Variants in SEPTIN7 observed in about 807,000 individuals in gnomAD.
SEPTIN7 encodes septin-7.
A neutral mutation model predicts 63.3 loss-of-function variants in SEPTIN7; 10 were observed. That is an observed-to-expected ratio of 0.16 (90% CI 0.10 to 0.27). The LOEUF (loss-of-function observed/expected upper bound fraction) is 0.27, where lower values mean the gene tolerates loss of function less well. SEPTIN7 is among the 10% of genes least tolerant of loss of function. The pLI, the probability that SEPTIN7 is intolerant of heterozygous loss-of-function variation, is 1.00. For synonymous variants in SEPTIN7, 131 were observed against 165.3 expected (o/e 0.79, Z 1.59); for missense variants, 310 against 521.0 (o/e 0.59, Z 3.94).
intron 6 of SEPTIN7, among the ~76,000 whole-genome samples, chr7:35,875,395 A>G (rs1373080507): frequency 2.0e-5 from 3 of 152,222 alleles, no homozygotes; most frequent in Non-Finnish European, 4.4e-5. Context: ...ATAGAGTTCC[A>G]GATATCCTGC....
At position 35,906,582 on chromosome 7, in the gene SEPTIN7, A is replaced by G. The variant is rs1358167834; in HGVS notation, c.*2289A>G. On this transcript the variant is annotated 3_prime_UTR_variant, in exon 14 of 14. Transcript: ENST00000350320. ...AAGTGGGGCTGAACAAGTAAGCACT[A>G]ATAATACCAGTGAACCACTTGGGCA... The G allele has an allele frequency of 1.3e-5, 2 of 152,196 alleles. No individual in the cohort carries two copies. Among genetic ancestry groups the G allele is most frequent in the African/African-American group, 2.4e-5 (1 of 41,422 alleles). 9.4% of individuals were successfully genotyped at this position (152,196 alleles called of 1,614,324 possible). A position where few individuals can be genotyped will look rare whatever the true frequency, so the allele number is the denominator to read the frequency against.
At chr7:35,801,858 C>T (rs1344016226) in intron 1 of SEPTIN7, among the ~76,000 whole-genome samples, 1 of 152,120 alleles carries the variant, frequency 6.6e-6, no homozygotes, top group African/African-American at 2.4e-5. Context: ...GCGGCTGCAG[C>T]CGCAGCTCCA....
intron 4 of SEPTIN7, among the ~76,000 whole-genome samples, chr7:35,871,790 A>G (rs1786166164): frequency 6.6e-6 from 1 of 152,174 alleles, no homozygotes; most frequent in Non-Finnish European, 1.5e-5. Context: ...ATCAGGAGAA[A>G]GCCTGTCTTT....
At chr7:35,856,374 C>T (rs1228560332) in intron 3 of SEPTIN7, among the ~76,000 whole-genome samples, 1 of 152,128 alleles carries the variant, frequency 6.6e-6, no homozygotes, top group African/African-American at 2.4e-5. Flanking sequence ...TTTATCCATT[C>T]AACTACTGAA....
Position 35,829,128 on chromosome 7 carries a change from C to CTTTTTTTTTTTTTTTTTTTTTTTTT in SEPTIN7, c.62-2340_62-2339insTTTTTTTTTTTTTTTTTTTTTTTTT, listed in dbSNP as rs71553032. The stretch of plus-strand genomic sequence containing the variant: ...CACTTCATTATAGTTCATGGACCTT[C>CTTTTTTTTTTTTTTTTTTTTTTTTT]TTTTTTTTTTTTTTTTTTTTTTTTG... On this transcript the variant is annotated intron_variant, in intron 1 of 13. Coordinates refer to ENST00000350320, the MANE Select transcript of SEPTIN7 (RefSeq NM_001788.6). Among the ~76,000 whole-genome samples, 10 of 61,068 alleles carry CTTTTTTTTTTTTTTTTTTTTTTTTT rather than the reference C, an allele frequency of 1.6e-4. 2 individuals carry two copies. Among genetic ancestry groups the CTTTTTTTTTTTTTTTTTTTTTTTTT allele is most frequent in the Non-Finnish European group, 2.6e-4 (9 of 34,546 alleles). The allele number at this position is 61,068 out of a possible 152,430, so 40.1% of individuals were successfully genotyped here. A position where few individuals can be genotyped will look rare whatever the true frequency, so the allele number is the denominator to read the frequency against.
At chr7:35,885,716 C>A in intron 9 of SEPTIN7, 112 bp from the exon 10 acceptor site, 1 of 766,060 alleles carries the variant, frequency 1.3e-6, no homozygotes, top group Non-Finnish European at 2.2e-6. Flanking sequence ...AAAAATTGAT[C>A]TGTTTTGCAT....
intron 11 of SEPTIN7, 94 bp from the exon 12 acceptor site, chr7:35,898,154 T>C (rs773975773): frequency 8.8e-5 from 75 of 848,996 alleles, no homozygotes; most frequent in Non-Finnish European, 1.2e-4. Flanking sequence ...TAGTGACATA[T>C]AGCATCTGAT....
At chr7:35,915,136 C>CATATACACATGTATACATGTGTACATAT in the SEPTIN7 span, among the ~76,000 whole-genome samples, 10,148 of 151,072 alleles carry the variant, frequency 0.067, 394 homozygotes, top group South Asian at 0.17. Context: ...TATATACATG[C>CATATACACATGTATACATGTGTACATAT]ATATACACAT....
At chr7:35,807,787 C>T (rs772665703) in intron 1 of SEPTIN7, among the ~76,000 whole-genome samples, 39 of 152,048 alleles carry the variant, frequency 2.6e-4, no homozygotes, top group Non-Finnish European at 3.5e-4. Context: ...TGTGAGCCAC[C>T]GCACCTGGTT....
intron 12 of SEPTIN7, chr7:35,899,261 A>C (rs1381261033): frequency 1.3e-5 from 2 of 152,222 alleles, no homozygotes; most frequent in African/African-American, 2.4e-5. Context: ...TAGCCTGGGC[A>C]TGGTGGCTCA....
chr7:35,915,656 C>T, the SEPTIN7 span, among the ~76,000 whole-genome samples: 1 of 152,176 alleles, frequency 6.6e-6, no homozygotes, highest in Non-Finnish European at 1.5e-5. Context: ...GTCCTGGCTT[C>T]CTGTCCTGGC....
chr7:35,893,357 A>C (rs551082807), intron 11 of SEPTIN7, among the ~76,000 whole-genome samples: 1 of 152,220 alleles, frequency 6.6e-6, no homozygotes, highest in Non-Finnish European at 1.5e-5. Flanking sequence ...TATGTTTCAC[A>C]AAGTGCTAAT....
intron 4 of SEPTIN7, among the ~76,000 whole-genome samples, chr7:35,864,613 A>G (rs1208168718): frequency 2.6e-5 from 4 of 152,240 alleles, no homozygotes; most frequent in Non-Finnish European, 4.4e-5. Flanking sequence ...TTTTGGATGT[A>G]TCAGGTTAAA....
chr7:35,801,102 T>TA lies in SEPTIN7; in HGVS notation c.-106dup. On this transcript the variant is annotated 5_prime_UTR_variant, in exon 1 of 14. Coordinates refer to ENST00000350320, the MANE Select transcript of SEPTIN7 (RefSeq NM_001788.6). Reference sequence around the variant, plus strand: ...AGGAGTCCGCCTGCTGTAGCGTGCGTAAGCAAGGCAGCTACGCCGGGCGGC... The same window carrying TA: ...AGGAGTCCGCCTGCTGTAGCGTGCGTAAAGCAAGGCAGCTACGCCGGGCGGC... The TA allele has an allele frequency of 1.2e-6, 1 of 865,854 alleles. No individual in the cohort carries two copies. The highest frequency in any genetic ancestry group is 1.8e-5 in the African/African-American group (1 of 55,524). The allele number at this position is 865,854 out of a possible 1,614,324, so 53.6% of individuals were successfully genotyped here. A position where few individuals can be genotyped will look rare whatever the true frequency, so the allele number is the denominator to read the frequency against.
chr7:35,863,686 A>G (rs769050376), intron 4 of SEPTIN7, 28 bp downstream of exon 4: 8 of 1,150,882 alleles, frequency 7.0e-6, no homozygotes, highest in Admixed American at 2.2e-5. Flanking sequence ...GTTAATTGAT[A>G]AGCTGGAATA....
At chr7:35,912,683 C>T in the SEPTIN7 span, among the ~76,000 whole-genome samples, 1 of 152,202 alleles carries the variant, frequency 6.6e-6, no homozygotes, top group Non-Finnish European at 1.5e-5. Context: ...CAGAAAAAGG[C>T]CTCCAGAAAA....
chr7:35,840,151 C>G (rs1403381483), intron 3 of SEPTIN7, among the ~76,000 whole-genome samples: 1 of 81,944 alleles, frequency 1.2e-5, no homozygotes, highest in Non-Finnish European at 2.3e-5. Flanking sequence ...TCCTCCTTCC[C>G]CCTTCCCCCA....
intron 11 of SEPTIN7, among the ~76,000 whole-genome samples, chr7:35,895,626 G>A (rs1787914304): frequency 1.3e-5 from 2 of 152,142 alleles, no homozygotes; most frequent in African/African-American, 4.8e-5. Flanking sequence ...GAATTTTACT[G>A]TAAATTTTTT....
chr7:35,883,025 A>G (rs562763026), intron 8 of SEPTIN7, among the ~76,000 whole-genome samples: 1 of 152,220 alleles, frequency 6.6e-6, no homozygotes, highest in Non-Finnish European at 1.5e-5. Flanking sequence ...AATTTAGTCT[A>G]TATTTTCAGA....
Sources: gnomAD v4.1 joint callset for allele counts (sites outside exome capture counted in the v4.1 genomes callset) on GRCh38, gnomAD v4.1.1 for gene constraint, MANE v1.5 for transcripts, NCBI Gene and HGNC (gene_info 2026-07-23, HGNC 2026-07-21) for gene names.